TMCC1: variants seen among roughly 807,000 people sequenced by gnomAD.
The protein encoded by TMCC1 is transmembrane and coiled-coil domain family 1, also known as transmembrane and coiled-coil domains protein 1.
In TMCC1, 15 loss-of-function variants were observed where a neutral mutation model predicts 52.4. The ratio of observed to expected loss-of-function variants is 0.29; its 90% CI spans 0.19 to 0.44. TMCC1 has a LOEUF of 0.44. Among genes scored for constraint, TMCC1 ranks in the 20% least tolerant of loss-of-function variants. The pLI is 1.00. For missense variants in TMCC1, 503 were observed against 806.0 expected (o/e 0.62, Z 4.55); for synonymous variants, 279 against 301.9 (o/e 0.92, Z 0.79).
At chr3:129,841,244 GA>G (rs909182008) in intron 2 of TMCC1, among the ~76,000 whole-genome samples, 2 of 152,218 alleles carry the variant, frequency 1.3e-5, no homozygotes, top group African/African-American at 4.8e-5. Context: ...TCTGGCAGGA[GA>G]AATTTCTAAG....
intron 1 of TMCC1, among the ~76,000 whole-genome samples, chr3:129,890,302 AAG>A (rs1406485697): frequency 1.3e-5 from 2 of 152,244 alleles, no homozygotes; most frequent in African/African-American, 4.8e-5. Flanking sequence ...CTCAAGGACA[AAG>A]AGAGTGACAG....
intron 4 of TMCC1, among the ~76,000 whole-genome samples, chr3:129,722,131 C>T (rs1469326214): frequency 6.6e-6 from 1 of 152,122 alleles, no homozygotes; most frequent in African/African-American, 2.4e-5. Context: ...CAGGGATCCC[C>T]AACCCCTGGG....
chr3:129,795,745 G>A (rs2056782031), intron 4 of TMCC1, among the ~76,000 whole-genome samples: 1 of 152,180 alleles, frequency 6.6e-6, no homozygotes, highest in Non-Finnish European at 1.5e-5. Flanking sequence ...GCCGTTCTGA[G>A]TAGCATGATA....
chr3:129,809,265 A>T (rs894591611), intron 4 of TMCC1, among the ~76,000 whole-genome samples: 11 of 151,584 alleles, frequency 7.3e-5, no homozygotes, highest in African/African-American at 2.7e-4. Flanking sequence ...AAAAAAAAAA[A>T]AATTCTGGAA....
rs528279112 is a variant in TMCC1, at chr3:129,860,373, G to C, written c.-184+19936C>G. 1.3e-4 allele frequency among the ~76,000 whole-genome samples: 20 copies of C among 151,836 alleles called. No individual in the cohort carries two copies. The South Asian group carries it at 4.0e-3, about 30-fold the overall frequency. On this transcript the variant is annotated intron_variant, in intron 2 of 6. Coordinates refer to ENST00000393238, the MANE Select transcript of TMCC1 (RefSeq NM_001017395.5). ...GCATGAGCCACTGCGCCCAGCCCGT[G>C]AGTGGAAATTTGTCCACAATATATT... is the stretch of plus-strand genomic sequence containing the variant.
chr3:129,833,600 A>C (rs562331321), intron 2 of TMCC1, among the ~76,000 whole-genome samples: 21 of 152,128 alleles, frequency 1.4e-4, no homozygotes, highest in African/African-American at 3.4e-4. Context: ...AAGAAGAACA[A>C]AACATATCTT....
At chr3:129,829,484 G>A (rs543012434) in intron 3 of TMCC1, among the ~76,000 whole-genome samples, 101 of 142,152 alleles carry the variant, frequency 7.1e-4, no homozygotes, top group Admixed American at 2.7e-3. Context: ...GGGAGGGGGG[G>A]ATGGGAGATG....
chr3:129,672,867 A>G (rs2088076002), intron 4 of TMCC1, among the ~76,000 whole-genome samples: 1 of 152,124 alleles, frequency 6.6e-6, no homozygotes, highest in Non-Finnish European at 1.5e-5. Flanking sequence ...TAGGGATAAC[A>G]TCTTCTTTTT....
chr3:129,774,610 G>C (rs1576792217), intron 4 of TMCC1, among the ~76,000 whole-genome samples: 1 of 152,298 alleles, frequency 6.6e-6, no homozygotes, highest in South Asian at 2.1e-4. Flanking sequence ...AACTAACCTA[G>C]AGCTGGCAGA....
chr3:129,825,950 C>A (rs942102331), intron 4 of TMCC1, among the ~76,000 whole-genome samples: 4 of 152,156 alleles, frequency 2.6e-5, no homozygotes, highest in African/African-American at 9.7e-5. Flanking sequence ...ATAAAGTTGA[C>A]AAAGCATTAA....
intron 4 of TMCC1, among the ~76,000 whole-genome samples, chr3:129,752,504 T>A (rs948430662): frequency 6.6e-5 from 10 of 152,060 alleles, no homozygotes; most frequent in African/African-American, 9.7e-5. Flanking sequence ...AAAGGTATAT[T>A]AAATAATCTA....
intron 4 of TMCC1, among the ~76,000 whole-genome samples, chr3:129,701,615 A>G (rs2047842925): frequency 6.6e-6 from 1 of 152,252 alleles, no homozygotes; most frequent in South Asian, 2.1e-4. Flanking sequence ...AAAGGAGGGC[A>G]AGAGAGGCTT....
chr3:129,827,972 T>C lies in TMCC1; in HGVS notation c.407A>G (p.Gln136Arg). Residue 136 changes from glutamine (Q) to arginine (R), a missense_variant, in exon 4 of 7, where the codon CAA becomes CGA. Coordinates refer to ENST00000393238, the MANE Select transcript of TMCC1 (RefSeq NM_001017395.5). The part of the protein sequence containing the change: ...GKPEAPKGSP[Q>R]INRKSGQEMT... ...CTCCTGACCAGACTTCCTGTTGATTTGGGGACTTCCCTTTGGGGCCTCTGG... is the reference window on the plus strand; with the variant it reads ...CTCCTGACCAGACTTCCTGTTGATTCGGGGACTTCCCTTTGGGGCCTCTGG... 1 of 1,614,168 alleles carries C rather than the reference T, an allele frequency of 6.2e-7. No homozygotes were observed. Among genetic ancestry groups the C allele is most frequent in the Non-Finnish European group, 8.5e-7 (1 of 1,180,016 alleles).
chr3:129,649,371 C>G lies in TMCC1; in HGVS notation c.*2110G>C, dbSNP rs1169017441. On this transcript the variant is annotated 3_prime_UTR_variant, in exon 7 of 7. Coordinates refer to ENST00000393238, the MANE Select transcript of TMCC1 (RefSeq NM_001017395.5). ...TTTAGGCAAAGTTAACATTTTAATA[C>G]ATATAGGCTTGGGGACAATTTGTTT... is the stretch of plus-strand genomic sequence containing the variant. The G allele has an allele frequency of 6.6e-6, 1 of 152,006 alleles. No individual in the cohort carries two copies. Among genetic ancestry groups the G allele is most frequent in the Non-Finnish European group, 1.5e-5 (1 of 68,010 alleles). The allele number at this position is 152,006 out of a possible 1,614,324, so 9.4% of individuals were successfully genotyped here.
At chr3:129,708,979 ATAAAG>A (rs2048444328) in intron 4 of TMCC1, among the ~76,000 whole-genome samples, 1 of 152,198 alleles carries the variant, frequency 6.6e-6, no homozygotes, top group African/African-American at 2.4e-5. Flanking sequence ...TTCTTTTATA[ATAAAG>A]TACTTATTTA....
intron 4 of TMCC1, among the ~76,000 whole-genome samples, chr3:129,730,672 T>C (rs1199324867): frequency 6.6e-6 from 1 of 152,238 alleles, no homozygotes; most frequent in Non-Finnish European, 1.5e-5. Flanking sequence ...AAGAATAAGC[T>C]TGTCTATCTC....
chr3:129,840,719 G>A (rs2107866664), intron 2 of TMCC1, among the ~76,000 whole-genome samples: 1 of 152,272 alleles, frequency 6.6e-6, no homozygotes, highest in Middle Eastern at 3.4e-3. Context: ...CACTCCTGCT[G>A]CCATGTAAGA....
At chr3:129,892,587 C>A (rs560320968) in intron 1 of TMCC1, 1 of 152,126 alleles carries the variant, frequency 6.6e-6, no homozygotes, top group South Asian at 2.1e-4. Context: ...CGTAGAGATG[C>A]TTATGGTACA....
intron 4 of TMCC1, among the ~76,000 whole-genome samples, chr3:129,723,941 A>G (rs1055213347): frequency 1.3e-5 from 2 of 148,738 alleles, no homozygotes; most frequent in African/African-American, 5.0e-5. Flanking sequence ...TAAAAGACAG[A>G]TACACACACA....
Sources: allele counts gnomAD v4.1 joint callset (sites outside exome capture counted in the v4.1 genomes callset), GRCh38; gene constraint gnomAD v4.1.1; transcripts MANE v1.5; gene names NCBI Gene and HGNC (gene_info 2026-07-23, HGNC 2026-07-21).